Variants in NQO1 observed in about 807,000 individuals in gnomAD.
NQO1 encodes the protein NAD(P)H dehydrogenase [quinone] 1.
Under a neutral mutation model 32.1 loss-of-function variants are expected in NQO1, and 30 were observed. That is an observed-to-expected ratio of 0.94 (90% confidence interval 0.70 to 1.27). The LOEUF is 1.27. NQO1 is among the 50% of genes most tolerant of loss of function. The pLI is 0.00. For missense variants in NQO1, 276 were observed against 331.3 expected, an observed-to-expected ratio of 0.83 and a Z score of 1.30; for synonymous variants, 109 against 119.7, an observed-to-expected ratio of 0.91 and a Z score of 0.59.
At chr16:69,716,537 T>C (rs2038116089) in intron 3 of NQO1, among the ~76,000 whole-genome samples, 1 of 151,848 alleles carries the variant, frequency 6.6e-6, no homozygotes, top group Non-Finnish European at 1.5e-5. Flanking sequence ...ATAAAAATTA[T>C]AATAAATAAT....
chr16:69,718,483 T>C lies in NQO1; in HGVS notation c.59A>G (p.Tyr20Cys). Residue 20 changes from tyrosine to cysteine, a missense_variant, in exon 2 of 6, where the codon TAT becomes TGT. Tyr to Cys is a radical substitution (Grantham distance 194). Coordinates refer to ENST00000320623, the MANE Select transcript of NQO1 (RefSeq NM_000903.3). Reference protein sequence around the residue: ...LAHSERTSFNYAMKEAAAAAL... With the variant: ...LAHSERTSFNCAMKEAAAAAL... The stretch of plus-strand genomic sequence containing the variant: ...CGCTGCAGCAGCCTCCTTCATGGCA[T>C]AGTTGAAGGACGTCCTCTCTGAGTG... The C allele has an allele frequency of 1.9e-6, 3 of 1,614,158 alleles. No homozygotes were observed. Among genetic ancestry groups the C allele is most frequent in the Non-Finnish European group, 2.5e-6 (3 of 1,180,036 alleles).
chr16:69,722,716 C>A (rs529954802), intron 1 of NQO1, among the ~76,000 whole-genome samples: 10 of 152,086 alleles, frequency 6.6e-5, no homozygotes, highest in Non-Finnish European at 1.5e-4. Context: ...GTGATGATTT[C>A]AATGCGCTGG....
At chr16:69,720,898 T>C (rs2038180166) in intron 1 of NQO1, among the ~76,000 whole-genome samples, 1 of 151,742 alleles carries the variant, frequency 6.6e-6, no homozygotes, top group Non-Finnish European at 1.5e-5. Context: ...TTTCTCTTTC[T>C]GAGACAGGGT....
chr16:69,715,336 T>G (rs1485859594), intron 3 of NQO1, among the ~76,000 whole-genome samples: 1 of 152,262 alleles, frequency 6.6e-6, no homozygotes, highest in Non-Finnish European at 1.5e-5. Context: ...AGAAGACTTG[T>G]TGATATGAAA....
intron 1 of NQO1, among the ~76,000 whole-genome samples, chr16:69,725,232 C>T (rs1597606176): frequency 6.6e-6 from 1 of 152,214 alleles, no homozygotes; most frequent in Admixed American, 6.5e-5. Flanking sequence ...TGTTCCTCCA[C>T]TCACTTTGAC....
At chr16:69,722,624 A>C (rs1336602870) in intron 1 of NQO1, among the ~76,000 whole-genome samples, 2 of 152,230 alleles carry the variant, frequency 1.3e-5, no homozygotes, top group Non-Finnish European at 2.9e-5. Context: ...TTCAGGGCCC[A>C]ATATGCCAAA....
intron 1 of NQO1, 77 bp downstream of exon 1, chr16:69,726,356 A>G: frequency 6.3e-7 from 1 of 1,581,298 alleles, no homozygotes; most frequent in Non-Finnish European, 8.6e-7. Context: ...ATTCAGGGCC[A>G]AGCCCCTACA....
At chr16:69,712,731 G>A (rs560348414) in intron 5 of NQO1, among the ~76,000 whole-genome samples, 2 of 152,264 alleles carry the variant, frequency 1.3e-5, no homozygotes, top group Admixed American at 6.5e-5. Flanking sequence ...CTGGCCAGGT[G>A]CAGTGGCTCA....
At chr16:69,713,936 T>C (rs189471480) in intron 4 of NQO1, among the ~76,000 whole-genome samples, 14,452 of 113,398 alleles carry the variant, frequency 0.13, 2,441 homozygotes, top group East Asian at 0.34. Context: ...AGTGCAGTGG[T>C]GCGATCTCGG....
In NQO1 at chr16:69,715,032, A is replaced by G. The variant is rs2038095202; in HGVS notation, c.349T>C (p.Phe117Leu). The G allele has an allele frequency of 6.8e-6, 11 of 1,613,876 alleles. No individual in the cohort carries two copies. Among genetic ancestry groups the G allele is most frequent in the Admixed American group, 1.7e-5 (1 of 60,006 alleles). ...AACTCTCCTATGAACACTCGCTCAA[A>G]CCAGCCTTTCAGAATGGCAGGGACT... is the stretch of plus-strand genomic sequence containing the variant. Reference protein sequence around the residue: ...FGVPAILKGWFERVFIGEFAY... With the variant: ...FGVPAILKGWLERVFIGEFAY... The change falls in exon 4 of 6, where the codon TTT becomes CTT. Residue 117 changes from phenylalanine to leucine, a missense_variant. By Grantham distance (22) the Phe-to-Leu change is conservative (BLOSUM62 0). Coordinates refer to ENST00000320623, the MANE Select transcript of NQO1 (RefSeq NM_000903.3).
chr16:69,719,598 A>G (rs1005288569), intron 1 of NQO1, among the ~76,000 whole-genome samples: 1 of 151,708 alleles, frequency 6.6e-6, no homozygotes, highest in Non-Finnish European at 1.5e-5. Context: ...ACATGGTGAA[A>G]CCCTGTCTCT....
intron 1 of NQO1, among the ~76,000 whole-genome samples, chr16:69,724,961 G>A (rs965592413): frequency 2.6e-5 from 4 of 152,130 alleles, no homozygotes; most frequent in Admixed American, 6.6e-5. Flanking sequence ...TAAGCTACAC[G>A]TAAATACAGA....
rs1397015401 is a variant in NQO1 at position 69,718,482 on chromosome 16, A to C, written c.60T>G (p.Tyr20Ter). 1 of 1,614,124 alleles carries C rather than the reference A, an allele frequency of 6.2e-7. No homozygotes were observed. The highest frequency in any genetic ancestry group is 2.2e-5 in the East Asian group (1 of 44,886). ...LAHSERTSFN[Y>*]AMKEAAAAAL... The stretch of plus-strand genomic sequence containing the variant: ...CCGCTGCAGCAGCCTCCTTCATGGC[A>C]TAGTTGAAGGACGTCCTCTCTGAGT... The change falls in exon 2 of 6, where the codon TAT becomes TAG. Residue 20 changes from tyrosine (Y) to a stop codon, truncating the protein, a stop_gained. Transcript: ENST00000320623. LOFTEE classifies it high-confidence loss of function.
chr16:69,718,542 G>C lies in NQO1; in HGVS notation c.8-8C>G. 1.2e-6 allele frequency: 2 copies of C among 1,612,904 alleles called. No homozygotes were observed. The highest frequency in any genetic ancestry group is 1.7e-6 in the Non-Finnish European group (2 of 1,179,648). ...CGATCAGTGCTCTTCTGCCTACAGA[G>C]ACACACACAAAGCACACACGGAAAA... On this transcript the variant is annotated splice_polypyrimidine_tract_variant and splice_region_variant and intron_variant, in intron 1 of 5. Transcript: ENST00000320623.
rs768756094 is a variant in NQO1, at chr16:69,718,263, A to G, written c.173-10T>C. ...GGGTCCTTCAGTTTACCTGCAGAGA[A>G]GAAAAAGAGAGGCTGGGGCCAGAGG... On this transcript the variant is annotated splice_polypyrimidine_tract_variant and intron_variant, in intron 2 of 5. Transcript: ENST00000320623. 6.2e-7 allele frequency: 1 copy of G among 1,613,802 alleles called. No individual in the cohort carries two copies. The highest frequency in any genetic ancestry group is 1.3e-5 in the African/African-American group (1 of 74,890).
chr16:69,711,826 G>C (rs2038045860), intron 5 of NQO1, among the ~76,000 whole-genome samples: 1 of 151,790 alleles, frequency 6.6e-6, no homozygotes, highest in South Asian at 2.1e-4. Context: ...GATAATTTTT[G>C]TATCTTTAGT....
chr16:69,725,338 G>A (rs2038246974), intron 1 of NQO1, among the ~76,000 whole-genome samples: 1 of 152,176 alleles, frequency 6.6e-6, no homozygotes. Context: ...CCCCAGATGA[G>A]GCAACAGCTT....
chr16:69,722,079 C>T (rs2038199446), intron 1 of NQO1, among the ~76,000 whole-genome samples: 3 of 149,378 alleles, frequency 2.0e-5, no homozygotes, highest in Admixed American at 6.8e-5. Context: ...ACAGTTGCTC[C>T]TGATAATGTG....
chr16:69,714,860 C>T (rs2038091788), intron 4 of NQO1, 104 bp downstream of exon 4: 1 of 797,660 alleles, frequency 1.3e-6, no homozygotes, highest in Non-Finnish European at 2.1e-6. Context: ...GCCTGGGCAA[C>T]AAGAGGGAAG....
Sources: gnomAD v4.1 joint callset for allele counts (sites outside exome capture counted in the v4.1 genomes callset) on GRCh38, gnomAD v4.1.1 for gene constraint, MANE v1.5 for transcripts, NCBI Gene and HGNC (gene_info 2026-07-23, HGNC 2026-07-21) for gene names.